The following NEUROD1 variants were observed in gnomAD, a reference collection of about 807,000 sequenced individuals.
NEUROD1 encodes the protein neuronal differentiation 1.
In NEUROD1, 9 loss-of-function variants were observed where a neutral mutation model predicts 21.8. The ratio of observed to expected loss-of-function variants is 0.41; its 90% confidence interval spans 0.25 to 0.72. NEUROD1 has a LOEUF of 0.72. Ranked by LOEUF, NEUROD1 falls within the 30% of genes least tolerant of loss-of-function variation. The pLI, the probability that NEUROD1 is intolerant of heterozygous loss-of-function variation, is 0.31. For synonymous variants in NEUROD1, 199 were observed against 186.2 expected (o/e 1.07, Z -0.56); for missense variants, 434 against 468.8 (o/e 0.93, Z 0.69).
At position 181,678,000 on chromosome 2, in the gene NEUROD1, G is replaced by T. The variant is rs201777821; in HGVS notation, c.861C>A (p.His287Gln). The change falls in exon 2 of 2, where the codon CAC becomes CAA. Residue 287 changes from histidine (H) to glutamine (Q), a missense_variant. By Grantham distance (24) the His-to-Gln change is conservative. Transcript: ENST00000295108. ...TTTTCTCAAACTCGGCGGACGGTTC[G>T]TGTTTGAAAGAGAAGTTGCCATTGA... ...LSINGNFSFKHEPSAEFEKNY... is the reference protein window; with the variant it reads ...LSINGNFSFKQEPSAEFEKNY... The T allele has an allele frequency of 3.2e-5, 51 of 1,614,118 alleles. No homozygotes were observed. The highest frequency in any genetic ancestry group is 1.7e-6 in the Non-Finnish European group (2 of 1,180,042).
chr2:181,677,879 T>C lies in NEUROD1; in HGVS notation c.982A>G (p.Ile328Val), dbSNP rs764986451. 5 of 1,614,048 alleles carry C rather than the reference T, an allele frequency of 3.1e-6. No homozygotes were observed. Among genetic ancestry groups the C allele is most frequent in the Admixed American group, 1.7e-5 (1 of 60,008 alleles). ...AAGGACATAATATTGTCTATGGGGA[T>C]CTCGCAGCGAGGGGCAGCGGTGCCT... The part of the protein sequence containing the change: ...FSGTAAPRCE[I>V]PIDNIMSFDS... Residue 328 changes from isoleucine to valine, a missense_variant, in exon 2 of 2, where the codon ATC becomes GTC. Transcript: ENST00000295108.
Position 181,677,663 on chromosome 2 carries a change from T to C in NEUROD1, c.*127A>G, listed in dbSNP as rs980261133. The C allele has an allele frequency of 3.9e-6, 6 of 1,539,924 alleles. No individual in the cohort carries two copies. In the African/African-American group the frequency reaches 8.2e-5, roughly 21 times the overall value. On this transcript the variant is annotated 3_prime_UTR_variant, in exon 2 of 2. Coordinates refer to ENST00000295108, the MANE Select transcript of NEUROD1 (RefSeq NM_002500.5). ...AGGCAGTAATGACAATAAATACATA[T>C]ATCACTTGAAGCTTGGAGTATTTGC... is the stretch of plus-strand genomic sequence containing the variant.
chr2:181,669,592 A>G (rs1688467556), downstream of NEUROD1, among the ~76,000 whole-genome samples: 1 of 152,208 alleles, frequency 6.6e-6, no homozygotes, highest in Non-Finnish European at 1.5e-5. Flanking sequence ...TAGCATTTTT[A>G]TCAGTCAGCA....
At chr2:181,669,996 T>C (rs1185371535), downstream of NEUROD1, among the ~76,000 whole-genome samples, 1 of 152,192 alleles carries the variant, frequency 6.6e-6, no homozygotes, top group African/African-American at 2.4e-5. Flanking sequence ...TTAGAAGTCA[T>C]GGCACTTAAA....
At chr2:181,676,206 A>C (rs571623385), downstream of NEUROD1, among the ~76,000 whole-genome samples, 47 of 152,310 alleles carry the variant, frequency 3.1e-4, no homozygotes, top group African/African-American at 8.7e-4. Flanking sequence ...CACTTAAAAC[A>C]AAGAAAAAAA....
chr2:181,672,460 G>A (rs186299104), downstream of NEUROD1, among the ~76,000 whole-genome samples: 2 of 152,318 alleles, frequency 1.3e-5, no homozygotes, highest in East Asian at 3.9e-4. Flanking sequence ...AAGCACCAGA[G>A]GAACAGCAAC....
At position 181,678,872 on chromosome 2, in the gene NEUROD1, C is replaced by T. The variant is rs748637611; in HGVS notation, c.-11-1G>A. On this transcript the variant is annotated splice_acceptor_variant, in intron 1 of 1. Transcript: ENST00000295108. LOFTEE classifies it low-confidence loss of function (5UTR_SPLICE). The surrounding 1 kb of genome is among the most constrained non-coding windows in gnomAD (Gnocchi z 5.5). ...TACGATTTGGTCATGTTTCGATTTC[C>T]TACATTCAACAAGGGAGAGGCAAAC... The T allele has an allele frequency of 5.0e-6, 8 of 1,613,118 alleles. No homozygotes were observed. The Admixed American group carries it at 1.0e-4, about 20-fold the overall frequency.
rs1006719688 is a variant in NEUROD1 at position 181,677,504 on chromosome 2, C to T, written c.*286G>A. ...TGTTATCCCGATCAGATAATTAATA[C>T]GATCTGAATACAGCCACACCAAATT... On this transcript the variant is annotated 3_prime_UTR_variant, in exon 2 of 2. Coordinates refer to ENST00000295108, the MANE Select transcript of NEUROD1 (RefSeq NM_002500.5). 1 of 349,006 alleles carries T rather than the reference C, an allele frequency of 2.9e-6. No homozygotes were observed. The highest frequency in any genetic ancestry group is 5.3e-6 in the Non-Finnish European group (1 of 190,336). 21.6% of individuals were successfully genotyped at this position (349,006 alleles called of 1,614,324 possible). A position where few individuals can be genotyped will look rare whatever the true frequency, so the allele number is the denominator to read the frequency against.
rs1688600158 is a variant in NEUROD1 at position 181,677,438 on chromosome 2, A to G, written c.*352T>C. On this transcript the variant is annotated 3_prime_UTR_variant, in exon 2 of 2. Coordinates refer to ENST00000295108, the MANE Select transcript of NEUROD1 (RefSeq NM_002500.5). Reference sequence around the variant, plus strand: ...TATATATTTTAATTGGCCCATTACTAGTTTAAAAATTGCATAGATCCTAAT... The same window carrying G: ...TATATATTTTAATTGGCCCATTACTGGTTTAAAAATTGCATAGATCCTAAT... 1 of 186,632 alleles carries G rather than the reference A, an allele frequency of 5.4e-6. No individual in the cohort carries two copies. Among genetic ancestry groups the G allele is most frequent in the Admixed American group, 5.4e-5 (1 of 18,624 alleles). The allele number at this position is 186,632 out of a possible 1,614,324, so 11.6% of individuals were successfully genotyped here. A position where few individuals can be genotyped will look rare whatever the true frequency, so the allele number is the denominator to read the frequency against.
At chr2:181,670,208 G>T (rs576903684), downstream of NEUROD1, among the ~76,000 whole-genome samples, 1 of 152,074 alleles carries the variant, frequency 6.6e-6, no homozygotes, top group African/African-American at 2.4e-5. Context: ...ATAATTTTTT[G>T]TGAGTTCAAA....
downstream of NEUROD1, among the ~76,000 whole-genome samples, chr2:181,675,486 G>A (rs1331516342): frequency 3.9e-5 from 6 of 152,104 alleles, no homozygotes; most frequent in African/African-American, 1.4e-4. Context: ...TTGGGAAGGG[G>A]GGTAGTCATC....
rs749555133 is a variant in NEUROD1, at chr2:181,678,291, G to C, written c.570C>G (p.Leu190=). The C allele has an allele frequency of 6.2e-7, 1 of 1,614,146 alleles. No individual in the cohort carries two copies. Among genetic ancestry groups the C allele is most frequent in the East Asian group, 2.2e-5 (1 of 44,868 alleles). ...GCTCAGGCAGAAAAGTCCGAGGATT[G>C]AGTTGCAGGCAGCCCGCAACCAGGT... ...TTNLVAGCLQ[L]NPRTFLPEQN... The change falls in exon 2 of 2, where the codon CTC becomes CTG. Residue 190 remains leucine (L), a synonymous_variant. Coordinates refer to ENST00000295108, the MANE Select transcript of NEUROD1 (RefSeq NM_002500.5). This position sits in a 1 kb window ranked among gnomAD's most constrained non-coding sequence, Gnocchi z 5.5.
At chr2:181,674,854 A>G (rs1688545751), downstream of NEUROD1, among the ~76,000 whole-genome samples, 1 of 152,200 alleles carries the variant, frequency 6.6e-6, no homozygotes, top group Admixed American at 6.5e-5. Context: ...ACCTTACAAA[A>G]GAACACAGTC....
chr2:181,674,057 TTATA>T (rs1688531665), downstream of NEUROD1, among the ~76,000 whole-genome samples: 1 of 152,144 alleles, frequency 6.6e-6, no homozygotes, highest in South Asian at 2.1e-4. Flanking sequence ...CTGCAATTGG[TTATA>T]TAAAGTAAAA....
chr2:181,672,848 A>G (rs1688516629), downstream of NEUROD1, among the ~76,000 whole-genome samples: 1 of 152,220 alleles, frequency 6.6e-6, no homozygotes, highest in African/African-American at 2.4e-5. Context: ...GTGTGAAGCC[A>G]TCTCTCTGGT....
downstream of NEUROD1, among the ~76,000 whole-genome samples, chr2:181,671,666 A>T (rs2696347): frequency 0.14 from 21,854 of 152,070 alleles, 3,821 homozygotes; most frequent in African/African-American, 0.42. Flanking sequence ...CCTAGGCTCA[A>T]ACTATCCACC....
In NEUROD1 at chr2:181,678,821, G is replaced by T. The variant is rs1437560895; in HGVS notation, c.40C>A (p.Pro14Thr). The change falls in exon 2 of 2, where the codon CCT (proline) becomes ACT (threonine). Residue 14 changes from proline (P) to threonine (T), a missense_variant. Pro to Thr is a conservative substitution (Grantham distance 38). Coordinates refer to ENST00000295108, the MANE Select transcript of NEUROD1 (RefSeq NM_002500.5). The surrounding 1 kb of genome is among the most constrained non-coding windows in gnomAD (Gnocchi z 5.5). ...CAGCTTGGAGGACCTTGGGGCTGAG[G>T]CTCGCCCATCAGCCCACTCTCGCTG... ...SYSESGLMGE[P>T]QPQGPPSWTD... The T allele has an allele frequency of 1.2e-6, 2 of 1,613,920 alleles. No homozygotes were observed. The highest frequency in any genetic ancestry group is 1.7e-5 in the Admixed American group (1 of 60,004).
In NEUROD1 at chr2:181,677,994, C is replaced by T. The variant is rs780843075; in HGVS notation, c.867G>A (p.Pro289=). 1.2e-6 allele frequency: 2 copies of T among 1,614,134 alleles called. No homozygotes were observed. The highest frequency in any genetic ancestry group is 1.1e-5 in the South Asian group (1 of 91,076). ...INGNFSFKHE[P]SAEFEKNYAF... ...CATAATTTTTCTCAAACTCGGCGGACGGTTCGTGTTTGAAAGAGAAGTTGC... is the reference window on the plus strand; with the variant it reads ...CATAATTTTTCTCAAACTCGGCGGATGGTTCGTGTTTGAAAGAGAAGTTGC... The change falls in exon 2 of 2, where the codon CCG becomes CCA. Residue 289 remains proline, a synonymous_variant. Coordinates refer to ENST00000295108, the MANE Select transcript of NEUROD1 (RefSeq NM_002500.5).
downstream of NEUROD1, among the ~76,000 whole-genome samples, chr2:181,668,726 G>A (rs1053504261): frequency 3.3e-5 from 5 of 152,112 alleles, no homozygotes; most frequent in African/African-American, 1.2e-4. Flanking sequence ...CCACTGCTAA[G>A]TATTGGCCAT....
Sources: gnomAD v4.1 joint callset for allele counts (sites outside exome capture counted in the v4.1 genomes callset) on GRCh38, gnomAD v4.1.1 for gene constraint, Gnocchi (gnomAD v3.1) non-coding constraint, MANE v1.5 for transcripts, NCBI Gene and HGNC (gene_info 2026-07-23, HGNC 2026-07-21) for gene names.